Variants in STPG2 observed in about 807,000 individuals in gnomAD.
The protein encoded by STPG2 is sperm tail PG-rich repeat containing 2, also known as sperm-tail PG-rich repeat-containing protein 2.
A neutral mutation model predicts 54.2 loss-of-function variants in STPG2; 56 were observed. The observed-to-expected ratio is 1.03, with a 90% CI of 0.83 to 1.29. STPG2 has a LOEUF of 1.29. Ranked by LOEUF, STPG2 falls within the 50% of genes most tolerant of loss-of-function variation. The probability of loss-of-function intolerance (pLI) is 0.00; values close to 1 mark genes in which losing one functional copy is unlikely to be tolerated. For synonymous variants in STPG2, 200 were observed against 181.8 expected, an observed-to-expected ratio of 1.10 and a Z score of -0.81; for missense variants, 596 against 544.9, an observed-to-expected ratio of 1.09 and a Z score of -0.93.
intron 9 of STPG2, among the ~76,000 whole-genome samples, chr4:97,751,580 C>T (rs984202097): frequency 6.6e-6 from 1 of 151,614 alleles, no homozygotes; most frequent in Admixed American, 6.6e-5. Flanking sequence ...AAAATAAAGA[C>T]AAAAGAATTT....
rs1373643716 is a variant in STPG2 at position 97,559,120 on chromosome 4, GT to G, written c.1321-4del. On this transcript the variant is annotated splice_polypyrimidine_tract_variant and splice_region_variant and intron_variant, in intron 10 of 10. Transcript: ENST00000295268. The stretch of plus-strand genomic sequence containing the variant: ...CCTTTCTTTTTCTCCTGGGATATCT[GT>G]TTAATAAGAATGAGAAAAAAAGGAG... 5.1e-6 allele frequency: 8 copies of G among 1,583,144 alleles called. No homozygotes were observed. The highest frequency in any genetic ancestry group is 6.9e-6 in the Non-Finnish European group (8 of 1,164,788).
intron 5 of STPG2, among the ~76,000 whole-genome samples, chr4:98,052,069 G>A (rs1048069574): frequency 1.5e-4 from 8 of 54,008 alleles, no homozygotes; most frequent in African/African-American, 4.3e-4. Context: ...CCTGGGCCAC[G>A]AGAGCAAAAC....
At chr4:97,595,253 T>C (rs568732492) in intron 10 of STPG2, among the ~76,000 whole-genome samples, 58 of 152,242 alleles carry the variant, frequency 3.8e-4, no homozygotes, top group African/African-American at 1.3e-3. Flanking sequence ...ATATACACCA[T>C]GGAATACTAT....
intron 10 of STPG2, among the ~76,000 whole-genome samples, chr4:97,560,341 G>A (rs1456121367): frequency 6.6e-6 from 1 of 152,092 alleles, no homozygotes; most frequent in Non-Finnish European, 1.5e-5. Context: ...AAAACTTTGG[G>A]TACAGCCATA....
chr4:97,594,409 C>T (rs1733227698), intron 10 of STPG2, among the ~76,000 whole-genome samples: 1 of 152,100 alleles, frequency 6.6e-6, no homozygotes, highest in African/African-American at 2.4e-5. Flanking sequence ...TCTCAGAGCT[C>T]GAAGACTGGT....
chr4:97,987,508 T>A (rs900156753), intron 5 of STPG2, among the ~76,000 whole-genome samples: 1 of 152,102 alleles, frequency 6.6e-6, no homozygotes, highest in Non-Finnish European at 1.5e-5. Flanking sequence ...ATTCAGTAAG[T>A]TCTGAGGTTG....
chr4:98,018,793 T>G (rs1335659543), intron 5 of STPG2, among the ~76,000 whole-genome samples: 1 of 152,160 alleles, frequency 6.6e-6, no homozygotes. Context: ...TTTTCATGTG[T>G]TTTTTGGCTG....
intron 8 of STPG2, among the ~76,000 whole-genome samples, chr4:97,877,897 C>T (rs922343618): frequency 4.6e-5 from 7 of 152,246 alleles, no homozygotes; most frequent in African/African-American, 9.6e-5. Context: ...CTTCCACCTA[C>T]GAGCCTGTAA....
At chr4:97,747,873 T>A (rs1560512864) in intron 9 of STPG2, among the ~76,000 whole-genome samples, 1 of 151,464 alleles carries the variant, frequency 6.6e-6, no homozygotes, top group Non-Finnish European at 1.5e-5. Flanking sequence ...AATATCCAAG[T>A]GGATGACCTT....
At chr4:98,039,033 A>C (rs918660716) in intron 5 of STPG2, among the ~76,000 whole-genome samples, 6 of 152,050 alleles carry the variant, frequency 3.9e-5, no homozygotes, top group African/African-American at 1.4e-4. Flanking sequence ...CGTTAAAATA[A>C]TAAGTAAGTA....
chr4:98,065,485 C>G (rs899300671), intron 5 of STPG2, among the ~76,000 whole-genome samples: 2 of 152,120 alleles, frequency 1.3e-5, no homozygotes, highest in Non-Finnish European at 2.9e-5. Flanking sequence ...ATATTCACTG[C>G]ATGAACAATT....
chr4:97,932,885 T>C (rs1732603978), intron 8 of STPG2, among the ~76,000 whole-genome samples: 1 of 152,356 alleles, frequency 6.6e-6, no homozygotes, highest in South Asian at 2.1e-4. Context: ...TATATCCCAG[T>C]AATGGGATTG....
intron 5 of STPG2, among the ~76,000 whole-genome samples, chr4:98,086,728 T>C (rs562801263): frequency 3.3e-5 from 5 of 149,506 alleles, no homozygotes; most frequent in South Asian, 2.1e-4. Context: ...GTCTTAACCA[T>C]TGTCCTGATG....
At chr4:97,560,272 A>G (rs1209836556) in intron 10 of STPG2, among the ~76,000 whole-genome samples, 1 of 152,162 alleles carries the variant, frequency 6.6e-6, no homozygotes, top group African/African-American at 2.4e-5. Context: ...CTGCTGAAAT[A>G]TAACTAGGAA....
chr4:97,677,474 A>G lies in STPG2; in HGVS notation c.1320+35225T>C, dbSNP rs190472765. ...TGAATGTGTACCTGTATTCTCCAAA[A>G]CATATATGGCAGAGACTGCTAATTT... On this transcript the variant is annotated intron_variant, in intron 10 of 10. Coordinates refer to ENST00000295268, the MANE Select transcript of STPG2 (RefSeq NM_174952.3). 7.0e-3 allele frequency among the ~76,000 whole-genome samples: 1,067 copies of G among 152,328 alleles called. 10 individuals are homozygous for G. Among genetic ancestry groups the G allele is most frequent in the Non-Finnish European group, 8.5e-3 (580 of 68,024 alleles).
At chr4:97,784,330 ACT>A (rs1288511352) in intron 9 of STPG2, among the ~76,000 whole-genome samples, 1 of 152,128 alleles carries the variant, frequency 6.6e-6, no homozygotes, top group African/African-American at 2.4e-5. Context: ...TTACTAAAAG[ACT>A]ATTTGTTACT....
chr4:97,880,603 G>C (rs759321018), intron 8 of STPG2, among the ~76,000 whole-genome samples: 5 of 152,040 alleles, frequency 3.3e-5, no homozygotes, highest in African/African-American at 4.8e-5. Flanking sequence ...TGGTGGTTAA[G>C]AAAATATGTC....
chr4:98,111,742 A>G (rs1392601941), intron 3 of STPG2, among the ~76,000 whole-genome samples: 1 of 152,130 alleles, frequency 6.6e-6, no homozygotes, highest in Non-Finnish European at 1.5e-5. Flanking sequence ...CAGAATAGAT[A>G]GGCATTTGAA....
Position 98,134,308 on chromosome 4 carries a change from A to G in STPG2, c.222+39T>C, listed in dbSNP as rs770509849. The G allele has an allele frequency of 4.0e-6, 5 of 1,245,328 alleles. No individual in the cohort carries two copies. The South Asian group carries it at 9.5e-5, about 24-fold the overall frequency. The allele number at this position is 1,245,328 out of a possible 1,614,324, so 77.1% of individuals were successfully genotyped here. On this transcript the variant is annotated intron_variant, in intron 2 of 10. Coordinates refer to ENST00000295268, the MANE Select transcript of STPG2 (RefSeq NM_174952.3). ...ATTTGGTCTATTCAGGGAAGAAAAC[A>G]TGGTTTTATTAAGTCAATTATAGTA...
Sources: gnomAD v4.1 joint callset for allele counts (sites outside exome capture counted in the v4.1 genomes callset) on GRCh38, gnomAD v4.1.1 for gene constraint, MANE v1.5 for transcripts, NCBI Gene and HGNC (gene_info 2026-07-23, HGNC 2026-07-21) for gene names.